TMCO4: variants seen among roughly 807,000 people sequenced by gnomAD.
TMCO4 encodes the protein transmembrane and coiled-coil domains 4, also known as transmembrane and coiled-coil domain-containing protein 4.
A neutral mutation model predicts 64.7 loss-of-function variants in TMCO4; 58 were observed. The observed-to-expected ratio is 0.90, with a 90% CI of 0.73 to 1.12. TMCO4 has a LOEUF of 1.12. TMCO4 is among the 50% of genes most tolerant of loss of function. The probability of loss-of-function intolerance (pLI) is 0.00; values close to 1 mark genes in which losing one functional copy is unlikely to be tolerated. For missense variants in TMCO4, 780 were observed against 825.9 expected (o/e 0.94, Z 0.68); for synonymous variants, 325 against 346.1 (o/e 0.94, Z 0.68).
At chr1:19,770,240 C>T (rs1032764873) in intron 6 of TMCO4, among the ~76,000 whole-genome samples, 2 of 152,110 alleles carry the variant, frequency 1.3e-5, no homozygotes, top group South Asian at 2.1e-4. Context: ...CCAGGAGGGG[C>T]GACAGTGGCT....
At chr1:19,738,468 A>G (rs2100833024) in intron 12 of TMCO4, 1 of 152,356 alleles carries the variant, frequency 6.6e-6, no homozygotes, top group East Asian at 1.9e-4. Flanking sequence ...TTGCCTTTTG[A>G]CCTCCAGAGC....
chr1:19,715,070 C>T lies in TMCO4; in HGVS notation c.1265-14185G>A, dbSNP rs142471050. On this transcript the variant is annotated intron_variant, in intron 13 of 15. Transcript: ENST00000294543. Reference sequence around the variant, plus strand: ...CAGCCTGGGCAATGTAGGAAGTCCCCACCTCTACAAAAAGAATTTGAAAAT... The same window carrying T: ...CAGCCTGGGCAATGTAGGAAGTCCCTACCTCTACAAAAAGAATTTGAAAAT... 1.4e-3 allele frequency among the ~76,000 whole-genome samples: 211 copies of T among 152,146 alleles called. 1 individual carries two copies. Among genetic ancestry groups the T allele is most frequent in the African/African-American group, 4.8e-3 (199 of 41,494 alleles).
intron 2 of TMCO4, among the ~76,000 whole-genome samples, chr1:19,788,168 C>A (rs2043838885): frequency 6.6e-6 from 1 of 152,158 alleles, no homozygotes; most frequent in Non-Finnish European, 1.5e-5. Context: ...TGTTGCGTTC[C>A]TCCCCAGCAT....
intron 13 of TMCO4, among the ~76,000 whole-genome samples, chr1:19,702,351 G>T (rs888812531): frequency 6.6e-6 from 1 of 151,564 alleles, no homozygotes; most frequent in Middle Eastern, 3.5e-3. Context: ...CAGCATTTTG[G>T]GAAGCCAAGG....
At chr1:19,774,026 A>G (rs1306482201) in intron 4 of TMCO4, among the ~76,000 whole-genome samples, 1 of 152,204 alleles carries the variant, frequency 6.6e-6, no homozygotes, top group East Asian at 1.9e-4. Context: ...TGAGTTGGGC[A>G]GGTTAAATGG....
In TMCO4 at chr1:19,755,620, C is replaced by T. The variant is rs768502028; in HGVS notation, c.515+14G>A. On this transcript the variant is annotated intron_variant, in intron 7 of 15. Coordinates refer to ENST00000294543, the MANE Select transcript of TMCO4 (RefSeq NM_181719.7). ...AATCCTTGGATCCTGATGGGGGTCG[C>T]GGGGCTCTCTTACTCAGATTCCTCT... 27 of 1,613,338 alleles carry T rather than the reference C, an allele frequency of 1.7e-5. No individual in the cohort carries two copies. The highest frequency in any genetic ancestry group is 1.6e-4 in the African/African-American group (12 of 74,830).
At chr1:19,748,688 G>C (rs904405240) in intron 7 of TMCO4, among the ~76,000 whole-genome samples, 4 of 152,140 alleles carry the variant, frequency 2.6e-5, no homozygotes, top group Non-Finnish European at 4.4e-5. Flanking sequence ...AGCCAGGCGT[G>C]GGGGCAGGCG....
intron 4 of TMCO4, among the ~76,000 whole-genome samples, chr1:19,773,821 G>A (rs1459894543): frequency 2.0e-5 from 3 of 152,174 alleles, no homozygotes; most frequent in African/African-American, 4.8e-5. Flanking sequence ...AACGATGTTA[G>A]CTAGTATCGT....
chr1:19,793,870 C>T (rs1349094906), intron 2 of TMCO4, among the ~76,000 whole-genome samples: 2 of 152,168 alleles, frequency 1.3e-5, no homozygotes, highest in East Asian at 3.9e-4. Flanking sequence ...CTCCACATAT[C>T]TGCTTTTTTT....
intron 15 of TMCO4, among the ~76,000 whole-genome samples, chr1:19,687,889 A>G (rs980865568): frequency 8.5e-5 from 13 of 152,158 alleles, no homozygotes; most frequent in African/African-American, 3.1e-4. Flanking sequence ...AGGCAACCCT[A>G]GTCCCTGAGC....
chr1:19,780,156 C>T (rs1006271158), intron 4 of TMCO4, among the ~76,000 whole-genome samples: 22 of 152,122 alleles, frequency 1.4e-4, no homozygotes, highest in African/African-American at 1.9e-4. Flanking sequence ...CCCTCGCGTG[C>T]GCAGTTCACG....
chr1:19,690,249 G>A (rs2095181755), intron 15 of TMCO4, among the ~76,000 whole-genome samples: 1 of 152,252 alleles, frequency 6.6e-6, no homozygotes, highest in African/African-American at 2.4e-5. Flanking sequence ...TGGGTACCCA[G>A]AAAGGCTGTC....
chr1:19,725,358 T>A (rs1214725616), intron 13 of TMCO4, among the ~76,000 whole-genome samples: 3 of 152,224 alleles, frequency 2.0e-5, no homozygotes, highest in Non-Finnish European at 2.9e-5. Context: ...GGAGAATAAA[T>A]GCATAAATAA....
intron 13 of TMCO4, among the ~76,000 whole-genome samples, chr1:19,723,641 C>A (rs569644373): frequency 3.3e-5 from 5 of 152,360 alleles, no homozygotes; most frequent in African/African-American, 7.2e-5. Context: ...CTTCCAACAC[C>A]AACACCAATC....
At chr1:19,685,736 C>G (rs1264964282) in intron 15 of TMCO4, among the ~76,000 whole-genome samples, 1 of 34,610 alleles carries the variant, frequency 2.9e-5, no homozygotes, top group African/African-American at 6.2e-5. Context: ...TTTTTTGAGA[C>G]AGAGTCTCGC....
chr1:19,735,849 G>A (rs1194413169), intron 13 of TMCO4, among the ~76,000 whole-genome samples: 2 of 152,200 alleles, frequency 1.3e-5, no homozygotes, highest in East Asian at 1.9e-4. Flanking sequence ...TTTGCTGCCA[G>A]AGAGGGAAAG....
In TMCO4 at chr1:19,759,096, G is replaced by A. The variant is rs534134360; in HGVS notation, c.383-3330C>T. Among the ~76,000 whole-genome samples, 12 of 125,924 alleles carry A rather than the reference G, an allele frequency of 9.5e-5. No homozygotes were observed. The South Asian group carries it at 1.6e-3, about 17-fold the overall frequency. The allele number at this position is 125,924 out of a possible 152,430, so 82.6% of individuals were successfully genotyped here. The stretch of plus-strand genomic sequence containing the variant: ...CAGCCTGGGCAACAGAGAGAGACTC[G>A]GTCTCAAAAAAAAAAAAAAAAAAAA... On this transcript the variant is annotated intron_variant, in intron 6 of 15. Transcript: ENST00000294543.
At chr1:19,739,137 C>T (rs137857900) in intron 12 of TMCO4, among the ~76,000 whole-genome samples, 31 of 152,302 alleles carry the variant, frequency 2.0e-4, no homozygotes, top group African/African-American at 6.3e-4. Flanking sequence ...CCACTTCCAG[C>T]CAAAACAAAT....
chr1:19,779,597 G>A lies in TMCO4; in HGVS notation c.179+983C>T, dbSNP rs537338546. On this transcript the variant is annotated intron_variant, in intron 4 of 15. Coordinates refer to ENST00000294543, the MANE Select transcript of TMCO4 (RefSeq NM_181719.7). The stretch of plus-strand genomic sequence containing the variant: ...GTCATTCTTTTGCTCCCACGACCCC[G>A]TTTAAACTCATCACAGCACTCACTC... Among the ~76,000 whole-genome samples, 6 of 152,222 alleles carry A rather than the reference G, an allele frequency of 3.9e-5. No homozygotes were observed. The South Asian group carries it at 6.2e-4, about 16-fold the overall frequency.
Sources: allele counts gnomAD v4.1 joint callset (sites outside exome capture counted in the v4.1 genomes callset), GRCh38; gene constraint gnomAD v4.1.1; transcripts MANE v1.5; gene names NCBI Gene and HGNC (gene_info 2026-07-23, HGNC 2026-07-21).